Variants in DCC observed in about 807,000 individuals in gnomAD.
DCC encodes netrin receptor DCC.
A neutral mutation model predicts 172.5 loss-of-function variants in DCC; 58 were observed. The ratio of observed to expected loss-of-function variants is 0.34; its 90% CI spans 0.27 to 0.42. DCC has a LOEUF of 0.42. DCC is among the 10% of genes least tolerant of loss of function. DCC has a pLI of 1.00. For missense variants in DCC, 1,740 were observed against 1,791.0 expected, an observed-to-expected ratio of 0.97 and a Z score of 0.51; for synonymous variants, 709 against 644.5, an observed-to-expected ratio of 1.10 and a Z score of -1.52.
At chr18:52,568,941 TA>T (rs1225517868) in intron 1 of DCC, among the ~76,000 whole-genome samples, 1 of 152,210 alleles carries the variant, frequency 6.6e-6, no homozygotes, top group Admixed American at 6.5e-5. Context: ...TACTATGATT[TA>T]AAAATATATT....
At chr18:52,639,698 G>A (rs577665581) in intron 1 of DCC, among the ~76,000 whole-genome samples, 1 of 151,906 alleles carries the variant, frequency 6.6e-6, no homozygotes, top group Non-Finnish European at 1.5e-5. Flanking sequence ...TCAATAACGA[G>A]CAGCAAGACT....
chr18:53,028,601 T>G (rs1182645884), intron 5 of DCC, among the ~76,000 whole-genome samples: 1 of 152,208 alleles, frequency 6.6e-6, no homozygotes, highest in Admixed American at 6.6e-5. Flanking sequence ...CTTCTTAACC[T>G]AATAGTTCTT....
intron 2 of DCC, among the ~76,000 whole-genome samples, chr18:52,816,353 T>C (rs890009205): frequency 5.3e-5 from 8 of 152,198 alleles, no homozygotes; most frequent in African/African-American, 1.4e-4. Context: ...AACATTCCTC[T>C]CTCAGCTGCT....
intron 1 of DCC, among the ~76,000 whole-genome samples, chr18:52,503,016 C>A (rs150754229): frequency 6.6e-6 from 1 of 152,044 alleles, no homozygotes; most frequent in Non-Finnish European, 1.5e-5. Flanking sequence ...TTTAAGCTGC[C>A]GTGCTGCTCA....
intron 7 of DCC, among the ~76,000 whole-genome samples, chr18:53,069,249 G>A (rs761773867): frequency 6.6e-6 from 1 of 152,202 alleles, no homozygotes; most frequent in Non-Finnish European, 1.5e-5. Flanking sequence ...TGGTGGATTA[G>A]CTTCCAAGAT....
intron 7 of DCC, among the ~76,000 whole-genome samples, chr18:53,090,699 A>AAAAAAAAAAAAAAAACAAAAC (rs1491525100): frequency 2.8e-5 from 1 of 35,450 alleles, no homozygotes; most frequent in Admixed American, 2.6e-4. Context: ...GTCCCCCAAC[A>AAAAAAAAAAAAAAAACAAAAC]AAAAAAAAAA....
intron 5 of DCC, among the ~76,000 whole-genome samples, chr18:52,929,006 G>A (rs945696290): frequency 1.3e-5 from 2 of 152,018 alleles, no homozygotes; most frequent in Admixed American, 1.3e-4. Context: ...AAACTTCCAG[G>A]CTCATTAAGT....
rs1438447279 is a variant in DCC at position 53,263,717 on chromosome 18, T to C, written c.1912-41861T>C. Among the ~76,000 whole-genome samples the C allele has an allele frequency of 2.0e-5, 3 of 152,102 alleles. 1 individual carries two copies. The highest frequency in any genetic ancestry group is 7.2e-5 in the African/African-American group (3 of 41,458). ...ATATAGTTTTGGTTTTGCATTATAA[T>C]ATTTAAAATACATGTCAATCATATA... On this transcript the variant is annotated intron_variant, in intron 12 of 28. Coordinates refer to ENST00000442544, the MANE Select transcript of DCC (RefSeq NM_005215.4).
At chr18:53,377,384 A>AGAGAGAG (rs928556550) in intron 15 of DCC, among the ~76,000 whole-genome samples, 2 of 150,218 alleles carry the variant, frequency 1.3e-5, no homozygotes, top group African/African-American at 5.0e-5. Context: ...AGAGAGAGAG[A>AGAGAGAG]GAGAGGAAGA....
At chr18:53,166,769 G>T (rs2054928558) in intron 8 of DCC, among the ~76,000 whole-genome samples, 1 of 152,052 alleles carries the variant, frequency 6.6e-6, no homozygotes, top group African/African-American at 2.4e-5. Context: ...AACCAAGAGA[G>T]GTAAACAAAA....
chr18:52,388,764 G>A (rs1985917508), intron 1 of DCC, among the ~76,000 whole-genome samples: 1 of 152,070 alleles, frequency 6.6e-6, no homozygotes, highest in Non-Finnish European at 1.5e-5. Flanking sequence ...AATATGTAGG[G>A]GATGAGTATA....
At chr18:53,503,023 C>T (rs551539599) in intron 27 of DCC, among the ~76,000 whole-genome samples, 4 of 152,032 alleles carry the variant, frequency 2.6e-5, no homozygotes, top group East Asian at 1.9e-4. Context: ...CCCTACCCAC[C>T]GACAGGCCCC....
At chr18:53,012,128 CTT>C (rs1197344465) in intron 5 of DCC, among the ~76,000 whole-genome samples, 5 of 151,992 alleles carry the variant, frequency 3.3e-5, no homozygotes, top group South Asian at 2.1e-4. Flanking sequence ...TTGGAAAACT[CTT>C]TGACAATTTC....
intron 1 of DCC, among the ~76,000 whole-genome samples, chr18:52,675,252 A>T (rs889277728): frequency 6.6e-6 from 1 of 151,984 alleles, no homozygotes; most frequent in Non-Finnish European, 1.5e-5. Flanking sequence ...AGAGACTAAA[A>T]TTTCACCATG....
intron 14 of DCC, among the ~76,000 whole-genome samples, chr18:53,324,636 C>T (rs995484469): frequency 3.9e-5 from 6 of 151,982 alleles, no homozygotes; most frequent in Admixed American, 3.3e-4. Flanking sequence ...GAACAGTCAT[C>T]CTGAATAGAG....
chr18:52,591,270 ATAAG>A (rs1434567162), intron 1 of DCC, among the ~76,000 whole-genome samples: 3 of 152,188 alleles, frequency 2.0e-5, no homozygotes, highest in African/African-American at 7.2e-5. Flanking sequence ...GGAAAATAAA[ATAAG>A]TAATCTTTAC....
At chr18:53,189,912 A>T (rs1199573133) in intron 9 of DCC, among the ~76,000 whole-genome samples, 2 of 152,186 alleles carry the variant, frequency 1.3e-5, no homozygotes, top group Non-Finnish European at 2.9e-5. Flanking sequence ...GATGCCAACA[A>T]CAGGACTCTG....
chr18:52,818,107 G>C (rs899381224), intron 2 of DCC: 18 of 152,178 alleles, frequency 1.2e-4, no homozygotes, highest in Non-Finnish European at 2.1e-4. Flanking sequence ...GCTGGGCACA[G>C]GGGCTCATGC....
rs146306704 is a variant in DCC, at chr18:52,958,953, C to T, written c.985+33583C>T. 9.6e-3 allele frequency among the ~76,000 whole-genome samples: 1,459 copies of T among 152,178 alleles called. 29 individuals carry two copies. Among genetic ancestry groups the T allele is most frequent in the African/African-American group, 0.034 (1,404 of 41,532 alleles). ...ATGTGGCCCAGCACAAATTTATAAA[C>T]GTTCTTAAAACACTGAAATTTTTTG... On this transcript the variant is annotated intron_variant, in intron 5 of 28. Transcript: ENST00000442544.
Sources: gnomAD v4.1 joint callset for allele counts (sites outside exome capture counted in the v4.1 genomes callset) on GRCh38, gnomAD v4.1.1 for gene constraint, MANE v1.5 for transcripts, NCBI Gene and HGNC (gene_info 2026-07-23, HGNC 2026-07-21) for gene names.